TET1: variants seen among roughly 807,000 people sequenced by gnomAD.
The protein encoded by TET1 is tet methylcytosine dioxygenase 1.
In TET1, 13 loss-of-function variants were observed where a neutral mutation model predicts 148.7. That is an observed-to-expected ratio of 0.09 (90% CI 0.06 to 0.14). The LOEUF is 0.14. Among genes scored for constraint, TET1 ranks in the 10% least tolerant of loss-of-function variants. TET1 has a pLI of 1.00. For missense variants in TET1, 2,182 were observed against 2,553.8 expected (o/e 0.85, Z 3.14); for synonymous variants, 907 against 937.2 (o/e 0.97, Z 0.59).
intron 10 of TET1, among the ~76,000 whole-genome samples, chr10:68,684,534 C>G (rs2133229819): frequency 1.3e-5 from 2 of 152,246 alleles, no homozygotes; most frequent in Middle Eastern, 3.4e-3. Context: ...GACATTTTAC[C>G]TGAATTACAG....
rs1564513971 is a variant in TET1 at position 68,691,351 on chromosome 10, C to G, written c.5948C>G (p.Ala1983Gly). ...EPLSDDPLSP[A>G]EEKLPHIDEY... is the part of the protein sequence containing the mutation. ...CTATCTGATGACCCCCTGTCACCTG[C>G]TGAGGAGAAATTGCCCCACATTGAT... The change falls in exon 12 of 12, where the codon GCT (alanine) becomes GGT (glycine). Residue 1983 changes from alanine to glycine, a missense_variant. Ala to Gly is a moderately conservative substitution (Grantham distance 60). Around this residue, in one of 11 missense-constraint regions of TET1, gnomAD observed 380 missense variants for 387.9 expected, o/e 0.98. Transcript: ENST00000373644. This position sits in a 1 kb window ranked among gnomAD's most constrained non-coding sequence, Gnocchi z 4.4. 1 of 1,614,188 alleles carries G rather than the reference C, an allele frequency of 6.2e-7. No homozygotes were observed. Among genetic ancestry groups the G allele is most frequent in the East Asian group, 2.2e-5 (1 of 44,880 alleles).
At chr10:68,687,159 T>G (rs1189585172) in intron 11 of TET1, among the ~76,000 whole-genome samples, 4 of 99,096 alleles carry the variant, frequency 4.0e-5, no homozygotes, top group African/African-American at 1.7e-4. Context: ...CGCCTTGGCC[T>G]CCCAAAGTGC....
chr10:68,620,766 T>G (rs1202998608), intron 3 of TET1, among the ~76,000 whole-genome samples: 1 of 152,220 alleles, frequency 6.6e-6, no homozygotes, highest in Non-Finnish European at 1.5e-5. Flanking sequence ...CCAAAGCAGC[T>G]TCATCCTTTT....
intron 8 of TET1, among the ~76,000 whole-genome samples, chr10:68,680,008 T>C (rs944307462): frequency 5.9e-5 from 9 of 152,202 alleles, no homozygotes; most frequent in Non-Finnish European, 7.3e-5. Context: ...ACGGCTAAGA[T>C]AAAAGTAGCC....
chr10:68,625,931 A>C (rs1216785035), intron 3 of TET1, among the ~76,000 whole-genome samples: 1 of 151,916 alleles, frequency 6.6e-6, no homozygotes, highest in Admixed American at 6.6e-5. Flanking sequence ...TATAAAATAC[A>C]AAAAAGCCTG....
In TET1 at chr10:68,645,310, A is replaced by T. The variant is rs1564988812; in HGVS notation, c.2581A>T (p.Asn861Tyr). Residue 861 changes from asparagine to tyrosine, a missense_variant, in exon 4 of 12, where the codon AAT becomes TAT. By Grantham distance (143) the Asn-to-Tyr change is moderately radical. Coordinates refer to ENST00000373644, the MANE Select transcript of TET1 (RefSeq NM_030625.3). ...AGGTGATCAACCAAAAACTCCTGAG[A>T]ATATACCAAGTAAAGAACCAAAAGA... ...NEGDQPKTPE[N>Y]IPSKEPKDGS... 6.2e-7 allele frequency: 1 copy of T among 1,614,186 alleles called. No individual in the cohort carries two copies. Among genetic ancestry groups the T allele is most frequent in the Admixed American group, 1.7e-5 (1 of 60,022 alleles).
chr10:68,663,436 A>G (rs1438418430), intron 6 of TET1, among the ~76,000 whole-genome samples: 1 of 152,224 alleles, frequency 6.6e-6, no homozygotes, highest in Non-Finnish European at 1.5e-5. Context: ...ACTATATAGT[A>G]AAGCTATTGC....
chr10:68,609,098 C>T (rs760951622), intron 3 of TET1, among the ~76,000 whole-genome samples: 20 of 151,808 alleles, frequency 1.3e-4, no homozygotes, highest in African/African-American at 2.7e-4. Context: ...ACTGGGCTCA[C>T]GTGATCTTCC....
chr10:68,561,808 A>G (rs954152320), intron 1 of TET1, among the ~76,000 whole-genome samples: 2 of 150,838 alleles, frequency 1.3e-5, no homozygotes, highest in Non-Finnish European at 2.9e-5. Flanking sequence ...GACGCTGGTA[A>G]TCTTTCCACG....
intron 6 of TET1, among the ~76,000 whole-genome samples, chr10:68,666,494 A>C (rs1418660971): frequency 2.6e-5 from 4 of 152,178 alleles, no homozygotes; most frequent in Non-Finnish European, 5.9e-5. Flanking sequence ...ACTACATTAG[A>C]TGGTTTTTTT....
intron 11 of TET1, among the ~76,000 whole-genome samples, chr10:68,689,778 C>CA (rs11439812): frequency 0.74 from 107,917 of 145,970 alleles, 40,436 homozygotes; most frequent in East Asian, 0.84. Flanking sequence ...GACTCCATCT[C>CA]AAAAAAAAAA....
At chr10:68,678,923 C>A (rs1457486131) in intron 8 of TET1, among the ~76,000 whole-genome samples, 1 of 151,988 alleles carries the variant, frequency 6.6e-6, no homozygotes, top group East Asian at 1.9e-4. Context: ...CACCTGTAAC[C>A]CCAGCACTTT....
In TET1 at chr10:68,661,385, A is replaced by G. The variant is rs891572930; in HGVS notation, c.4462-5660A>G. Among the ~76,000 whole-genome samples the G allele has an allele frequency of 3.3e-5, 5 of 151,614 alleles. No individual in the cohort carries two copies. The South Asian group carries it at 8.3e-4, about 25-fold the overall frequency. On this transcript the variant is annotated intron_variant, in intron 6 of 11. Coordinates refer to ENST00000373644, the MANE Select transcript of TET1 (RefSeq NM_030625.3). Reference sequence around the variant, plus strand: ...TTTTAAATTTAAAAATTATATATACACATTATAGATATATTTCAAATTTTA... The same window carrying G: ...TTTTAAATTTAAAAATTATATATACGCATTATAGATATATTTCAAATTTTA...
intron 2 of TET1, among the ~76,000 whole-genome samples, chr10:68,596,025 C>CATATATATATATAT (rs1270482577): frequency 5.4e-5 from 3 of 56,018 alleles, no homozygotes; most frequent in African/African-American, 1.7e-4. Flanking sequence ...CACACACACA[C>CATATATATATATAT]ACATATATAT....
Position 68,691,917 on chromosome 10 carries a change from T to C in TET1, c.*103T>C. The C allele has an allele frequency of 7.4e-7, 1 of 1,349,208 alleles. No homozygotes were observed. Among genetic ancestry groups the C allele is most frequent in the South Asian group, 1.6e-5 (1 of 63,294 alleles). The allele number at this position is 1,349,208 out of a possible 1,614,324, so 83.6% of individuals were successfully genotyped here. A position where few individuals can be genotyped will look rare whatever the true frequency, so the allele number is the denominator to read the frequency against. The stretch of plus-strand genomic sequence containing the variant: ...TCGTTTACTATCTTCATCTCACCCA[T>C]TTCAAGTCTGAGGTAAAAAAATAAT... On this transcript the variant is annotated 3_prime_UTR_variant, in exon 12 of 12. Transcript: ENST00000373644. The surrounding 1 kb of genome is among the most constrained non-coding windows in gnomAD (Gnocchi z 4.4).
At chr10:68,643,785 C>G (rs1172061376) in intron 3 of TET1, among the ~76,000 whole-genome samples, 1 of 151,792 alleles carries the variant, frequency 6.6e-6, no homozygotes, top group Non-Finnish European at 1.5e-5. Flanking sequence ...TGCACTCCAG[C>G]CTGGGCAACA....
intron 2 of TET1, among the ~76,000 whole-genome samples, chr10:68,589,441 T>A (rs1375368431): frequency 6.6e-6 from 1 of 152,142 alleles, no homozygotes; most frequent in Non-Finnish European, 1.5e-5. Context: ...TAGATGCATA[T>A]ATCTATATGT....
intron 2 of TET1, among the ~76,000 whole-genome samples, chr10:68,598,175 G>A (rs538668280): frequency 2.6e-4 from 39 of 152,180 alleles, no homozygotes; most frequent in Admixed American, 1.6e-3. Flanking sequence ...GCCCACCTGA[G>A]GTCAAGAGTC....
At chr10:68,602,725 A>C (rs1472113258) in intron 3 of TET1, among the ~76,000 whole-genome samples, 1 of 152,222 alleles carries the variant, frequency 6.6e-6, no homozygotes, top group African/African-American at 2.4e-5. Context: ...GCCACATTTC[A>C]TCTGCAACAG....
Sources: gnomAD v4.1 joint callset for allele counts (sites outside exome capture counted in the v4.1 genomes callset) on GRCh38, gnomAD v4.1.1 for gene constraint, gnomAD v4.1.1 regional missense constraint, Gnocchi (gnomAD v3.1) non-coding constraint, MANE v1.5 for transcripts, NCBI Gene and HGNC (gene_info 2026-07-23, HGNC 2026-07-21) for gene names.